Variants in SH2D4B observed in about 807,000 individuals in gnomAD.
SH2D4B encodes SH2 domain-containing protein 4B.
In SH2D4B, 45 loss-of-function variants were observed where a neutral mutation model predicts 61.5. The ratio of observed to expected loss-of-function variants is 0.73; its 90% CI spans 0.58 to 0.94. SH2D4B has a LOEUF of 0.94. SH2D4B is among the 40% of genes least tolerant of loss of function. The probability of loss-of-function intolerance (pLI) is 0.00; values close to 1 mark genes in which losing one functional copy is unlikely to be tolerated. For missense variants in SH2D4B, 572 were observed against 574.2 expected, an observed-to-expected ratio of 1.00 and a Z score of 0.04; for synonymous variants, 224 against 220.4, an observed-to-expected ratio of 1.02 and a Z score of -0.14.
intron 3 of SH2D4B, among the ~76,000 whole-genome samples, chr10:80,579,683 TTCAAGGCCAC>T (rs1051820549): frequency 1.7e-4 from 26 of 151,878 alleles, no homozygotes; most frequent in African/African-American, 6.3e-4. Context: ...CCATTTTCTA[TTCAAGGCCAC>T]TCCCTTTTTT....
intron 6 of SH2D4B, among the ~76,000 whole-genome samples, chr10:80,612,434 G>T (rs1247315550): frequency 1.3e-5 from 2 of 152,010 alleles, no homozygotes; most frequent in Admixed American, 1.3e-4. Flanking sequence ...CTGCACCATG[G>T]ATCTATTACA....
intron 5 of SH2D4B, among the ~76,000 whole-genome samples, chr10:80,609,075 C>T (rs572209093): frequency 2.0e-5 from 3 of 152,272 alleles, no homozygotes; most frequent in East Asian, 1.9e-4. Flanking sequence ...CTTTTCTTTC[C>T]CTCAGACACC....
intron 1 of SH2D4B, among the ~76,000 whole-genome samples, chr10:80,556,063 A>G (rs541300447): frequency 6.6e-6 from 1 of 152,164 alleles, no homozygotes; most frequent in East Asian, 1.9e-4. Flanking sequence ...GAGTATATAT[A>G]CATATATGAC....
At chr10:80,611,128 T>C (rs1027469080) in intron 6 of SH2D4B, among the ~76,000 whole-genome samples, 2 of 136,020 alleles carry the variant, frequency 1.5e-5, no homozygotes, top group African/African-American at 2.9e-5. Context: ...AGAGCCGAGA[T>C]TGCAACATTG....
intron 3 of SH2D4B, among the ~76,000 whole-genome samples, chr10:80,574,190 G>T (rs969599127): frequency 2.0e-5 from 3 of 152,158 alleles, no homozygotes; most frequent in Non-Finnish European, 4.4e-5. Context: ...AGGCTAGAGT[G>T]CAGTGGCACA....
intron 1 of SH2D4B, among the ~76,000 whole-genome samples, chr10:80,551,121 C>T (rs908480089): frequency 1.3e-5 from 2 of 152,138 alleles, no homozygotes; most frequent in African/African-American, 2.4e-5. Flanking sequence ...GGCGCGATTT[C>T]GGCTCACTGC....
intron 1 of SH2D4B, among the ~76,000 whole-genome samples, chr10:80,555,875 A>T (rs765518935): frequency 6.6e-5 from 10 of 152,178 alleles, no homozygotes; most frequent in Non-Finnish European, 1.3e-4. Context: ...TGTTCGTGCC[A>T]TATTAGTGCA....
intron 6 of SH2D4B, among the ~76,000 whole-genome samples, chr10:80,616,897 C>G (rs890487083): frequency 6.6e-6 from 1 of 152,222 alleles, no homozygotes; most frequent in Non-Finnish European, 1.5e-5. Flanking sequence ...TTACAGTATG[C>G]TGGACCCTCT....
At chr10:80,565,581 T>C (rs1350359809) in intron 1 of SH2D4B, among the ~76,000 whole-genome samples, 1 of 152,042 alleles carries the variant, frequency 6.6e-6, no homozygotes, top group Non-Finnish European at 1.5e-5. Flanking sequence ...ATTTCTTAAA[T>C]TTCCTTATTT....
chr10:80,562,948 C>T (rs1366269178), intron 1 of SH2D4B, among the ~76,000 whole-genome samples: 1 of 123,386 alleles, frequency 8.1e-6, no homozygotes, highest in Admixed American at 1.1e-4. Flanking sequence ...GTCGCCCAGG[C>T]TGGAGTGCAG....
chr10:80,592,293 T>A (rs1564777540), intron 4 of SH2D4B, among the ~76,000 whole-genome samples: 1 of 152,234 alleles, frequency 6.6e-6, no homozygotes, highest in Non-Finnish European at 1.5e-5. Flanking sequence ...TTATCAGAGA[T>A]ATGGTTTGCA....
intron 4 of SH2D4B, among the ~76,000 whole-genome samples, chr10:80,600,149 G>GAT (rs1317801773): frequency 6.6e-6 from 1 of 152,204 alleles, no homozygotes; most frequent in Non-Finnish European, 1.5e-5. Flanking sequence ...AGAAGGTGTA[G>GAT]ATAAGGTAAT....
At chr10:80,627,298 T>C (rs1399039273) in intron 6 of SH2D4B, among the ~76,000 whole-genome samples, 1 of 152,172 alleles carries the variant, frequency 6.6e-6, no homozygotes, top group African/African-American at 2.4e-5. Flanking sequence ...TTCTTCTGTA[T>C]AGGAAACATC....
At position 80,538,241 on chromosome 10, in the gene SH2D4B, G is replaced by A; in HGVS notation, c.-91G>A. Reference sequence around the variant, plus strand: ...ACCGAGAGTGGCCCCGGATTGAGCAGTCCGTAGTGCAGAGCAGCCCCTCGG... The same window carrying A: ...ACCGAGAGTGGCCCCGGATTGAGCAATCCGTAGTGCAGAGCAGCCCCTCGG... On this transcript the variant is annotated 5_prime_UTR_variant, in exon 1 of 8. Coordinates refer to ENST00000646907, the MANE Select transcript of SH2D4B (RefSeq NM_001388272.1). The surrounding 1 kb of genome is among the most constrained non-coding windows in gnomAD (Gnocchi z 4.8). 1 of 1,108,986 alleles carries A rather than the reference G, an allele frequency of 9.0e-7. No homozygotes were observed. The highest frequency in any genetic ancestry group is 1.2e-6 in the Non-Finnish European group (1 of 855,316). 68.7% of individuals were successfully genotyped at this position (1,108,986 alleles called of 1,614,324 possible).
chr10:80,605,521 CT>C (rs1842508775), intron 5 of SH2D4B, among the ~76,000 whole-genome samples: 1 of 152,148 alleles, frequency 6.6e-6, no homozygotes, highest in South Asian at 2.1e-4. Context: ...TTTATATCTT[CT>C]TTTTTGTTTT....
At chr10:80,542,398 C>CTT (rs554328250) in intron 1 of SH2D4B, among the ~76,000 whole-genome samples, 142 of 119,346 alleles carry the variant, frequency 1.2e-3, no homozygotes, top group Middle Eastern at 3.7e-3. Context: ...TCAGTTCTAT[C>CTT]TTTTTTTTTT....
At chr10:80,606,239 G>A (rs935094593) in intron 5 of SH2D4B, among the ~76,000 whole-genome samples, 3 of 151,616 alleles carry the variant, frequency 2.0e-5, no homozygotes, top group African/African-American at 7.3e-5. Flanking sequence ...AAGTGGCCTC[G>A]TGGAATACAC....
chr10:80,584,377 A>G (rs1419057847), intron 3 of SH2D4B, among the ~76,000 whole-genome samples: 1 of 152,220 alleles, frequency 6.6e-6, no homozygotes, highest in Non-Finnish European at 1.5e-5. Context: ...CTGTTATAAG[A>G]AAAAGCACTT....
In SH2D4B at chr10:80,596,922, G is replaced by A. The variant is rs137939137; in HGVS notation, c.644-6657G>A. 5.4e-3 allele frequency among the ~76,000 whole-genome samples: 823 copies of A among 152,120 alleles called. 12 individuals are homozygous for A. The highest frequency in any genetic ancestry group is 0.018 in the African/African-American group (759 of 41,468). ...ATACGCTTGGCCTTCGGTATTCTTG[G>A]GTTCTGCATCTGCGGATTCACTCAA... On this transcript the variant is annotated intron_variant, in intron 4 of 7. Transcript: ENST00000646907.
Sources: allele counts gnomAD v4.1 joint callset (sites outside exome capture counted in the v4.1 genomes callset), GRCh38; gene constraint gnomAD v4.1.1; non-coding constraint Gnocchi (gnomAD v3.1); transcripts MANE v1.5; gene names NCBI Gene and HGNC (gene_info 2026-07-23, HGNC 2026-07-21).